The following FASTKD2 variants were observed in gnomAD, a reference collection of about 807,000 sequenced individuals.
FASTKD2 encodes FAST kinase domain-containing protein 2, mitochondrial.
FASTKD2 carries 51 observed loss-of-function variants against 63.6 expected under a neutral mutation model. That is an observed-to-expected ratio of 0.80 (90% confidence interval 0.64 to 1.01). The LOEUF (loss-of-function observed/expected upper bound fraction) is 1.01. Ranked by LOEUF, FASTKD2 falls within the 50% of genes least tolerant of loss-of-function variation. FASTKD2 has a pLI of 0.00. For synonymous variants in FASTKD2, 284 were observed against 293.4 expected (o/e 0.97, Z 0.33); for missense variants, 786 against 831.1 (o/e 0.95, Z 0.67).
chr2:206,774,274 G>C lies in FASTKD2; in HGVS notation c.1304G>C (p.Gly435Ala). 6.2e-7 allele frequency: 1 copy of C among 1,611,608 alleles called. No individual in the cohort carries two copies. Among genetic ancestry groups the C allele is most frequent in the South Asian group, 1.1e-5 (1 of 90,970 alleles). ...GAAAACCTTGGCTTTCGACCTGTTG[G>C]TTTAATGGACCTGTTTATGAAGAGA... ...LFENLGFRPVGLMDLFMKRIV... is the reference protein window; with the variant it reads ...LFENLGFRPVALMDLFMKRIV... Residue 435 changes from glycine to alanine, a missense_variant, in exon 7 of 12, where the codon GGT (glycine) becomes GCT (alanine). Gly to Ala is a moderately conservative substitution (Grantham distance 60). Transcript: ENST00000402774.
chr2:206,773,118 C>T (rs1006101035), intron 6 of FASTKD2, among the ~76,000 whole-genome samples: 3 of 151,908 alleles, frequency 2.0e-5, no homozygotes, highest in Admixed American at 2.0e-4. Flanking sequence ...AGTTCAAGAC[C>T]AGCCTGGCCA....
intron 7 of FASTKD2, among the ~76,000 whole-genome samples, chr2:206,785,873 C>T (rs1690125521): frequency 6.6e-6 from 1 of 152,078 alleles, no homozygotes; most frequent in Non-Finnish European, 1.5e-5. Flanking sequence ...ATATTTGCCC[C>T]AGCTGTTAAG....
rs767901545 is a variant in FASTKD2, at chr2:206,788,003, A to G, written c.1661A>G (p.Tyr554Cys). ...TGTCTAAAACTTGATGATACTGTCTATCTGAGGGACATAGCCTTGTCACTC... is the reference window on the plus strand; with the variant it reads ...TGTCTAAAACTTGATGATACTGTCTGTCTGAGGGACATAGCCTTGTCACTC... ...DTCLKLDDTVYLRDIALSLPQ... is the reference protein window; with the variant it reads ...DTCLKLDDTVCLRDIALSLPQ... Residue 554 changes from tyrosine to cysteine, a missense_variant, in exon 9 of 12, where the codon TAT (tyrosine) becomes TGT (cysteine). Tyr to Cys is a radical substitution (Grantham distance 194). Transcript: ENST00000402774. 1 of 1,613,700 alleles carries G rather than the reference A, an allele frequency of 6.2e-7. No homozygotes were observed. Among genetic ancestry groups the G allele is most frequent in the East Asian group, 2.2e-5 (1 of 44,860 alleles).
Position 206,790,837 on chromosome 2 carries a change from A to C in FASTKD2, c.2013+151A>C, listed in dbSNP as rs61248541. ...CTTTAGTTACTGTTTTCTTTGAAAA[A>C]GAACATTGCTAGTACACGATTTGGG... On this transcript the variant is annotated intron_variant, in intron 11 of 11. Transcript: ENST00000402774. 0.011 allele frequency: 7,154 copies of C among 664,056 alleles called. 359 individuals carry two copies. In the African/African-American group the frequency reaches 0.11, roughly 10 times the overall value. The allele number at this position is 664,056 out of a possible 1,614,324, so 41.1% of individuals were successfully genotyped here.
At position 206,792,502 on chromosome 2, in the gene FASTKD2, G is replaced by C. The variant is rs1397896555; in HGVS notation, c.*700G>C. On this transcript the variant is annotated 3_prime_UTR_variant, in exon 12 of 12. Transcript: ENST00000402774. ...ATTAAATATATAGCTGAATTGTGTTGTGAATCAGACCTGAGGACTATTTTT... is the reference window on the plus strand; with the variant it reads ...ATTAAATATATAGCTGAATTGTGTTCTGAATCAGACCTGAGGACTATTTTT... 6.6e-6 allele frequency: 1 copy of C among 152,198 alleles called. No homozygotes were observed. Among genetic ancestry groups the C allele is most frequent in the African/African-American group, 2.4e-5 (1 of 41,368 alleles). 9.4% of individuals were successfully genotyped at this position (152,198 alleles called of 1,614,324 possible). A position where few individuals can be genotyped will look rare whatever the true frequency, so the allele number is the denominator to read the frequency against.
chr2:206,766,026 G>T (rs1220804847), intron 1 of FASTKD2, among the ~76,000 whole-genome samples: 1 of 152,006 alleles, frequency 6.6e-6, no homozygotes, highest in Non-Finnish European at 1.5e-5. Context: ...TTGGGAGGCC[G>T]AGGCGGGTGG....
At chr2:206,786,591 C>T in intron 7 of FASTKD2, 142 bp from the exon 8 acceptor site, 1 of 773,422 alleles carries the variant, frequency 1.3e-6, no homozygotes, top group Non-Finnish European at 2.3e-6. Flanking sequence ...AATGTATACA[C>T]TTATTATGAG....
chr2:206,791,842 G>T lies in FASTKD2; in HGVS notation c.*40G>T, dbSNP rs779357670. 1.4e-5 allele frequency: 23 copies of T among 1,590,382 alleles called. No homozygotes were observed. Among genetic ancestry groups the T allele is most frequent in the East Asian group, 4.5e-5 (2 of 44,640 alleles). ...TTTTCATATTAGGAGACATGCATTT[G>T]TAAAAATTAATAAAGATGACAAGTC... On this transcript the variant is annotated 3_prime_UTR_variant, in exon 12 of 12. Transcript: ENST00000402774.
intron 1 of FASTKD2, 145 bp from the exon 2 acceptor site, chr2:206,766,499 T>G: frequency 5.4e-6 from 3 of 557,998 alleles, no homozygotes; most frequent in Middle Eastern, 4.9e-4. Context: ...GGAGCCCACA[T>G]TGGTAAAAAA....
At chr2:206,774,849 G>A (rs1689780411) in intron 7 of FASTKD2, among the ~76,000 whole-genome samples, 1 of 151,856 alleles carries the variant, frequency 6.6e-6, no homozygotes, top group Non-Finnish European at 1.5e-5. Context: ...TGGATCTCTA[G>A]GACTTAATCA....
rs1203199140 is a variant in FASTKD2 at position 206,794,719 on chromosome 2, A to G, written c.*2917A>G. Among the ~76,000 whole-genome samples the G allele has an allele frequency of 1.3e-5, 2 of 152,216 alleles. No homozygotes were observed. The highest frequency in any genetic ancestry group is 4.8e-5 in the African/African-American group (2 of 41,454). On this transcript the variant is annotated 3_prime_UTR_variant, in exon 12 of 12. Transcript: ENST00000402774. ...CTCTTCTTGTCATTGACAAAATGTG[A>G]TGGTATTTTTTTTGTGATAATACAC...
intron 10 of FASTKD2, chr2:206,790,219 A>G (rs1690246441): frequency 4.2e-6 from 1 of 240,908 alleles, no homozygotes; most frequent in South Asian, 5.9e-5. Context: ...TTACACCGTT[A>G]CTACTACTGG....
In FASTKD2 at chr2:206,774,274, G is replaced by A. The variant is rs768119573; in HGVS notation, c.1304G>A (p.Gly435Asp). 22 of 1,611,608 alleles carry A rather than the reference G, an allele frequency of 1.4e-5. No individual in the cohort carries two copies. Among genetic ancestry groups the A allele is most frequent in the Non-Finnish European group, 1.9e-5 (22 of 1,178,362 alleles). ...GAAAACCTTGGCTTTCGACCTGTTG[G>A]TTTAATGGACCTGTTTATGAAGAGA... ...LFENLGFRPV[G>D]LMDLFMKRIV... Residue 435 changes from glycine to aspartate, a missense_variant, in exon 7 of 12, where the codon GGT becomes GAT. By Grantham distance (94) the Gly-to-Asp change is moderately conservative. Transcript: ENST00000402774.
chr2:206,791,906 A>C lies in FASTKD2; in HGVS notation c.*104A>C. On this transcript the variant is annotated 3_prime_UTR_variant, in exon 12 of 12. Coordinates refer to ENST00000402774, the MANE Select transcript of FASTKD2 (RefSeq NM_001136193.2). ...ATTGAGCTATCTGCTAAGACAAAAA[A>C]TGTTACCTCAGTTCACTATTAAAAT... 1 of 1,011,582 alleles carries C rather than the reference A, an allele frequency of 9.9e-7. No homozygotes were observed. Among genetic ancestry groups the C allele is most frequent in the Non-Finnish European group, 1.5e-6 (1 of 670,040 alleles). The allele number at this position is 1,011,582 out of a possible 1,614,324, so 62.7% of individuals were successfully genotyped here. A position where few individuals can be genotyped will look rare whatever the true frequency, so the allele number is the denominator to read the frequency against.
intron 2 of FASTKD2, among the ~76,000 whole-genome samples, chr2:206,768,288 T>C (rs1273675469): frequency 6.6e-6 from 1 of 152,216 alleles, no homozygotes; most frequent in African/African-American, 2.4e-5. Context: ...AAAGCAAGAA[T>C]GTCAGTGTCC....
intron 4 of FASTKD2, 144 bp downstream of exon 4, chr2:206,771,434 CTTATA>C: frequency 3.1e-6 from 2 of 654,460 alleles, no homozygotes; most frequent in Non-Finnish European, 5.4e-6. Flanking sequence ...TAGAAGTACC[CTTATA>C]TTTATTTATC....
Position 206,794,789 on chromosome 2 carries a change from A to G in FASTKD2, c.*2987A>G, listed in dbSNP as rs1258498955. Among the ~76,000 whole-genome samples, 4 of 152,242 alleles carry G rather than the reference A, an allele frequency of 2.6e-5. No homozygotes were observed. Among genetic ancestry groups the G allele is most frequent in the African/African-American group, 9.6e-5 (4 of 41,464 alleles). On this transcript the variant is annotated 3_prime_UTR_variant, in exon 12 of 12. Coordinates refer to ENST00000402774, the MANE Select transcript of FASTKD2 (RefSeq NM_001136193.2). The stretch of plus-strand genomic sequence containing the variant: ...GAACTATTCATATCAAGTATTTCCA[A>G]ATAACAATGACATTCCAATTTATAG...
intron 7 of FASTKD2, among the ~76,000 whole-genome samples, chr2:206,782,337 T>C (rs1014635193): frequency 9.9e-5 from 15 of 152,218 alleles, no homozygotes; most frequent in African/African-American, 3.6e-4. Context: ...TACGACAATA[T>C]CTTAATTGGT....
At chr2:206,776,011 C>T (rs1487139613) in intron 7 of FASTKD2, among the ~76,000 whole-genome samples, 4 of 151,648 alleles carry the variant, frequency 2.6e-5, no homozygotes, top group Admixed American at 6.6e-5. Flanking sequence ...TTTCACATAC[C>T]TGTTGGCCAT....
Sources: allele counts gnomAD v4.1 joint callset (sites outside exome capture counted in the v4.1 genomes callset), GRCh38; gene constraint gnomAD v4.1.1; transcripts MANE v1.5; gene names NCBI Gene and HGNC (gene_info 2026-07-23, HGNC 2026-07-21).